The following RPS15 variants were observed in gnomAD, a reference collection of about 807,000 sequenced individuals.
RPS15 encodes ribosomal protein S15, also known as small ribosomal subunit protein uS19.
RPS15 carries 5 observed loss-of-function variants against 14.9 expected under a neutral mutation model. The observed-to-expected ratio is 0.34, with a 90% CI of 0.18 to 0.70. RPS15 has a LOEUF of 0.70. Among genes scored for constraint, RPS15 ranks in the 30% least tolerant of loss-of-function variants. RPS15 has a pLI of 0.65. For missense variants in RPS15, 102 were observed against 204.2 expected, an observed-to-expected ratio of 0.50 and a Z score of 3.05; for synonymous variants, 103 against 85.0, an observed-to-expected ratio of 1.21 and a Z score of -1.16.
At position 1,438,966 on chromosome 19, in the gene RPS15, C is replaced by CG; in HGVS notation, c.89+79dup. The CG allele has an allele frequency of 1.5e-6, 1 of 645,804 alleles. No individual in the cohort carries two copies. Among genetic ancestry groups the CG allele is most frequent in the Non-Finnish European group, 2.6e-6 (1 of 391,822 alleles). 40.0% of individuals were successfully genotyped at this position (645,804 alleles called of 1,614,324 possible). A position where few individuals can be genotyped will look rare whatever the true frequency, so the allele number is the denominator to read the frequency against. ...GCTTGTCCGGGTGAGGGCGGCGGGG[C>CG]GGGGGTCCAAGCGCCTCTGCGGCGG... On this transcript the variant is annotated intron_variant, in intron 2 of 3. Transcript: ENST00000592588. This position sits in a 1 kb window ranked among gnomAD's most constrained non-coding sequence, Gnocchi z 4.8.
In RPS15 at chr19:1,438,439, C is replaced by A. The variant is rs371553340; in HGVS notation, c.3+11C>A. The A allele has an allele frequency of 6.2e-7, 1 of 1,613,284 alleles. No homozygotes were observed. The highest frequency in any genetic ancestry group is 1.3e-5 in the African/African-American group (1 of 74,930). On this transcript the variant is annotated intron_variant, in intron 1 of 3. Coordinates refer to ENST00000592588, the MANE Select transcript of RPS15 (RefSeq NM_001018.5). This position sits in a 1 kb window ranked among gnomAD's most constrained non-coding sequence, Gnocchi z 4.8. ...GGATCCGGCAAGATGGTGAGTGTTG[C>A]GATTTGGCGCGTCTCTGCCGGGCCT...
In RPS15 at chr19:1,440,056, C is replaced by T; in HGVS notation, c.127C>T (p.Arg43Trp). 2 of 1,560,060 alleles carry T rather than the reference C, an allele frequency of 1.3e-6. No individual in the cohort carries two copies. The highest frequency in any genetic ancestry group is 1.7e-6 in the Non-Finnish European group (2 of 1,153,186). ...GCAGCTGTACAGTGCGCGCCAGCGG[C>T]GGCGGCTGAACCGGGGCCTGCGGCG... ...LMQLYSARQR[R>W]RLNRGLRRKQ... Residue 43 changes from arginine to tryptophan, a missense_variant, in exon 3 of 4, where the codon CGG becomes TGG. Coordinates refer to ENST00000592588, the MANE Select transcript of RPS15 (RefSeq NM_001018.5).
rs1056597 is a variant in RPS15, at chr19:1,440,112, C to A, written c.183C>A (p.Arg61=). ...RKQHSLLKRL[R]KAKKEAPPME... is the part of the protein sequence containing the mutation. ...AGCACTCCCTGCTGAAGCGCCTGCG[C>A]AAGGCCAAGAAGGAGGCGCCGCCCA... The change falls in exon 3 of 4, where the codon CGC becomes CGA. Residue 61 remains arginine, a synonymous_variant. Coordinates refer to ENST00000592588, the MANE Select transcript of RPS15 (RefSeq NM_001018.5). 3 of 1,600,348 alleles carry A rather than the reference C, an allele frequency of 1.9e-6. No individual in the cohort carries two copies. The East Asian group carries it at 6.8e-5, about 36-fold the overall frequency.
chr19:1,439,660 G>T (rs2083637301), intron 2 of RPS15: 3 of 558,002 alleles, frequency 5.4e-6, no homozygotes, highest in South Asian at 2.3e-5. Flanking sequence ...CTCCCGAAGT[G>T]CTGGGATCAC....
chr19:1,439,104 C>G (rs990475708), intron 2 of RPS15: 2 of 549,126 alleles, frequency 3.6e-6, no homozygotes, highest in Non-Finnish European at 6.4e-6. Context: ...CCGTTGTTCA[C>G]TTTTCCGCGG....
intron 2 of RPS15, 197 bp from the exon 3 acceptor site, chr19:1,439,822 G>A: frequency 4.7e-6 from 3 of 635,518 alleles, no homozygotes; most frequent in Non-Finnish European, 8.5e-6. Flanking sequence ...TCTTGCATGT[G>A]AGGGGTGAGT....
Position 1,438,701 on chromosome 19 carries a change from C to G in RPS15, c.4-106C>G. ...GTCGAAGCGGTGTGTCCCTGTCGGG[C>G]TTCTGTCCCCGGCGGCGCCGCGCGT... On this transcript the variant is annotated intron_variant, in intron 1 of 3. Transcript: ENST00000592588. The surrounding 1 kb of genome is among the most constrained non-coding windows in gnomAD (Gnocchi z 4.8). 6.5e-7 allele frequency: 1 copy of G among 1,532,240 alleles called. No homozygotes were observed. Among genetic ancestry groups the G allele is most frequent in the Non-Finnish European group, 8.8e-7 (1 of 1,132,594 alleles). 94.9% of individuals were successfully genotyped at this position (1,532,240 alleles called of 1,614,324 possible). A position where few individuals can be genotyped will look rare whatever the true frequency, so the allele number is the denominator to read the frequency against.
At chr19:1,439,768 C>G (rs953575084) in intron 2 of RPS15, 6 of 613,620 alleles carry the variant, frequency 9.8e-6, no homozygotes, top group Non-Finnish European at 1.5e-5. Context: ...GCTGTGGTCT[C>G]CGGGCCGCTT....
intron 2 of RPS15, chr19:1,439,723 T>C (rs2083638003): frequency 3.4e-6 from 2 of 592,096 alleles, no homozygotes. Flanking sequence ...TAGAGGCCTT[T>C]GGCCCGAGCT....
In RPS15 at chr19:1,439,766, C is replaced by A. The variant is rs576491062; in HGVS notation, c.90-253C>A. On this transcript the variant is annotated intron_variant, in intron 2 of 3. Transcript: ENST00000592588. ...GCAGCACCTTGTCTGAGGCTGTGGT[C>A]TCCGGGCCGCTTGTTCTCTCTGAAT... 1,723 of 613,466 alleles carry A rather than the reference C, an allele frequency of 2.8e-3. 9 individuals are homozygous for A. Among genetic ancestry groups the A allele is most frequent in the Non-Finnish European group, 4.3e-3 (1,479 of 342,578 alleles). 38.0% of individuals were successfully genotyped at this position (613,466 alleles called of 1,614,324 possible). A position where few individuals can be genotyped will look rare whatever the true frequency, so the allele number is the denominator to read the frequency against.
intron 2 of RPS15, chr19:1,439,136 C>T (rs940839340): frequency 7.7e-6 from 4 of 516,574 alleles, no homozygotes; most frequent in African/African-American, 2.1e-5. Flanking sequence ...GGTGTAGCCC[C>T]TGTCTGTAGC....
Position 1,440,258 on chromosome 19 carries a change from G to A in RPS15, c.324+5G>A. 2 of 1,612,088 alleles carry A rather than the reference G, an allele frequency of 1.2e-6. No individual in the cohort carries two copies. Among genetic ancestry groups the A allele is most frequent in the African/African-American group, 1.3e-5 (1 of 74,834 alleles). On this transcript the variant is annotated splice_donor_5th_base_variant and intron_variant, in intron 3 of 3. Transcript: ENST00000592588. ...TTCAACCAGGTGGAGATCAAGGTGT[G>A]TGCGGCCGTCCCTGCCGGCTGGGGT...
chr19:1,439,948 C>G (rs762332914), intron 2 of RPS15, 71 bp from the exon 3 acceptor site: 92 of 1,265,662 alleles, frequency 7.3e-5, no homozygotes, highest in Non-Finnish European at 1.0e-4. Context: ...CCTTAGTTCT[C>G]TGTCCGCCGG....
chr19:1,439,146 C>T (rs1182627868), intron 2 of RPS15: 5 of 498,666 alleles, frequency 1.0e-5, no homozygotes, highest in East Asian at 7.2e-5. Flanking sequence ...CTGTCTGTAG[C>T]CCACGTGACT....
At chr19:1,439,537 G>A in intron 2 of RPS15, 1 of 271,844 alleles carries the variant, frequency 3.7e-6, no homozygotes, top group Non-Finnish European at 7.1e-6. Context: ...TGGGATTACA[G>A]GCGTGAACAC....
Position 1,438,966 on chromosome 19 carries a change from C to A in RPS15, c.89+74C>A. On this transcript the variant is annotated intron_variant, in intron 2 of 3. Transcript: ENST00000592588. This position sits in a 1 kb window ranked among gnomAD's most constrained non-coding sequence, Gnocchi z 4.8. ...GCTTGTCCGGGTGAGGGCGGCGGGG[C>A]GGGGGTCCAAGCGCCTCTGCGGCGG... is the stretch of plus-strand genomic sequence containing the variant. The A allele has an allele frequency of 1.5e-6, 1 of 645,798 alleles. No individual in the cohort carries two copies. Among genetic ancestry groups the A allele is most frequent in the Non-Finnish European group, 2.6e-6 (1 of 391,816 alleles). 40.0% of individuals were successfully genotyped at this position (645,798 alleles called of 1,614,324 possible). A position where few individuals can be genotyped will look rare whatever the true frequency, so the allele number is the denominator to read the frequency against.
At chr19:1,439,028 G>A (rs2083632103) in intron 2 of RPS15, 136 bp downstream of exon 2, 4 of 704,924 alleles carry the variant, frequency 5.7e-6, no homozygotes, top group Non-Finnish European at 4.6e-6. Context: ...TTGGAACTGA[G>A]TGTGGTCTTG....
chr19:1,438,906 C>T lies in RPS15; in HGVS notation c.89+14C>T, dbSNP rs1429966589. 1.4e-6 allele frequency: 2 copies of T among 1,480,792 alleles called. No homozygotes were observed. The highest frequency in any genetic ancestry group is 1.8e-6 in the Non-Finnish European group (2 of 1,104,910). 91.7% of individuals were successfully genotyped at this position (1,480,792 alleles called of 1,614,324 possible). A position where few individuals can be genotyped will look rare whatever the true frequency, so the allele number is the denominator to read the frequency against. ...GGACATGTCCTAGTAAGGGCGGCCG[C>T]GGGGGTCGCGGGCAGGGGCTGGGCC... On this transcript the variant is annotated intron_variant, in intron 2 of 3. Coordinates refer to ENST00000592588, the MANE Select transcript of RPS15 (RefSeq NM_001018.5). The surrounding 1 kb of genome is among the most constrained non-coding windows in gnomAD (Gnocchi z 4.8).
rs1208228742 is a variant in RPS15, at chr19:1,438,942, C to A, written c.89+50C>A. 3 of 1,373,752 alleles carry A rather than the reference C, an allele frequency of 2.2e-6. No homozygotes were observed. 85.1% of individuals were successfully genotyped at this position (1,373,752 alleles called of 1,614,324 possible). A position where few individuals can be genotyped will look rare whatever the true frequency, so the allele number is the denominator to read the frequency against. ...GGCAGGGGCTGGGCCAGCGGTGGGGCTTGTCCGGGTGAGGGCGGCGGGGCG... is the reference window on the plus strand; with the variant it reads ...GGCAGGGGCTGGGCCAGCGGTGGGGATTGTCCGGGTGAGGGCGGCGGGGCG... On this transcript the variant is annotated intron_variant, in intron 2 of 3. Coordinates refer to ENST00000592588, the MANE Select transcript of RPS15 (RefSeq NM_001018.5). The surrounding 1 kb of genome is among the most constrained non-coding windows in gnomAD (Gnocchi z 4.8).
Sources: allele counts gnomAD v4.1 joint callset, GRCh38; gene constraint gnomAD v4.1.1; non-coding constraint Gnocchi (gnomAD v3.1); transcripts MANE v1.5; gene names NCBI Gene and HGNC (gene_info 2026-07-23, HGNC 2026-07-21).